The following ZNF804B variants were observed in gnomAD, a reference collection of about 807,000 sequenced individuals.
The protein encoded by ZNF804B is zinc finger 804B.
ZNF804B carries 80 observed loss-of-function variants against 101.4 expected under a neutral mutation model. That is an observed-to-expected ratio of 0.79 (90% CI 0.66 to 0.95). The LOEUF (loss-of-function observed/expected upper bound fraction) is 0.95. Among genes scored for constraint, ZNF804B ranks in the 40% least tolerant of loss-of-function variants. ZNF804B has a pLI of 0.00. For synonymous variants in ZNF804B, 622 were observed against 558.8 expected (o/e 1.11, Z -1.59); for missense variants, 1,673 against 1,561.9 (o/e 1.07, Z -1.20).
At chr7:89,167,120 T>A (rs1385590709) in intron 1 of ZNF804B, among the ~76,000 whole-genome samples, 1 of 152,098 alleles carries the variant, frequency 6.6e-6, no homozygotes, top group East Asian at 1.9e-4. Flanking sequence ...ATGTGGTTTG[T>A]CTGCTAGTTT....
intron 1 of ZNF804B, among the ~76,000 whole-genome samples, chr7:88,964,790 C>A: frequency 6.6e-6 from 1 of 151,544 alleles, no homozygotes; most frequent in East Asian, 2.0e-4. Context: ...TTCTGTACTA[C>A]TGTGGGAGCA....
At chr7:88,989,160 C>G (rs951267499) in intron 1 of ZNF804B, among the ~76,000 whole-genome samples, 6 of 149,006 alleles carry the variant, frequency 4.0e-5, no homozygotes, top group Admixed American at 6.6e-5. Context: ...GTAGCTAGGA[C>G]TTAATTTTTT....
intron 1 of ZNF804B, among the ~76,000 whole-genome samples, chr7:88,892,299 G>T (rs982381551): frequency 3.3e-5 from 5 of 152,020 alleles, no homozygotes; most frequent in Non-Finnish European, 5.9e-5. Flanking sequence ...AAGTTATGTG[G>T]TGCTTTAGGG....
chr7:89,220,743 T>C (rs963503981), intron 2 of ZNF804B, among the ~76,000 whole-genome samples: 38 of 151,936 alleles, frequency 2.5e-4, no homozygotes, highest in African/African-American at 8.2e-4. Context: ...GATTTGTAAA[T>C]TTGAGTTCAT....
At chr7:89,159,604 C>T (rs923111693) in intron 1 of ZNF804B, among the ~76,000 whole-genome samples, 3 of 152,102 alleles carry the variant, frequency 2.0e-5, no homozygotes, top group African/African-American at 7.2e-5. Context: ...AATCTTTAGT[C>T]ATTTTCACTA....
intron 1 of ZNF804B, among the ~76,000 whole-genome samples, chr7:89,098,943 T>C (rs1790011123): frequency 1.3e-5 from 2 of 151,358 alleles, no homozygotes; most frequent in Admixed American, 1.3e-4. Flanking sequence ...GGTTGTGTTG[T>C]TTTAACAAGC....
At chr7:89,221,966 T>C (rs555817575) in intron 2 of ZNF804B, among the ~76,000 whole-genome samples, 61 of 152,050 alleles carry the variant, frequency 4.0e-4, no homozygotes, top group African/African-American at 1.3e-3. Flanking sequence ...GTAGATCTTG[T>C]GATACATTAA....
intron 1 of ZNF804B, among the ~76,000 whole-genome samples, chr7:88,811,137 C>T (rs952975553): frequency 1.3e-5 from 2 of 151,944 alleles, no homozygotes; most frequent in Non-Finnish European, 2.9e-5. Flanking sequence ...GTGAGGTGCT[C>T]TTATGTTAAT....
At chr7:88,875,458 TA>T in intron 1 of ZNF804B, among the ~76,000 whole-genome samples, 1 of 151,696 alleles carries the variant, frequency 6.6e-6, no homozygotes, top group East Asian at 1.9e-4. Flanking sequence ...ATAGACGCAA[TA>T]AAAAATCATA....
chr7:89,319,515 G>A (rs115588129), intron 2 of ZNF804B, among the ~76,000 whole-genome samples: 10 of 152,286 alleles, frequency 6.6e-5, no homozygotes, highest in African/African-American at 2.2e-4. Context: ...GTAGACAAGA[G>A]CACTGAGAAA....
At chr7:89,029,167 G>A (rs1034678472) in intron 1 of ZNF804B, among the ~76,000 whole-genome samples, 4 of 152,042 alleles carry the variant, frequency 2.6e-5, no homozygotes, top group Non-Finnish European at 4.4e-5. Flanking sequence ...GCAATGATGC[G>A]ATCTCTGCTC....
chr7:89,223,997 C>T (rs936319243), intron 2 of ZNF804B, among the ~76,000 whole-genome samples: 4 of 151,874 alleles, frequency 2.6e-5, no homozygotes, highest in Admixed American at 2.6e-4. Context: ...ACAGCTAATT[C>T]CTTGTGAGAC....
rs1256179576 is a variant in ZNF804B, at chr7:89,218,149, T to G, written c.109-6T>G. The G allele has an allele frequency of 3.1e-6, 5 of 1,609,848 alleles. No individual in the cohort carries two copies. The highest frequency in any genetic ancestry group is 4.2e-6 in the Non-Finnish European group (5 of 1,178,712). Reference sequence around the variant, plus strand: ...CTAACCAACATTTATGTATTTTTTCTTAAAGGATTTTGCAGAAAAGAAGTC... The same window carrying G: ...CTAACCAACATTTATGTATTTTTTCGTAAAGGATTTTGCAGAAAAGAAGTC... On this transcript the variant is annotated splice_region_variant and splice_polypyrimidine_tract_variant and intron_variant, in intron 1 of 3. Transcript: ENST00000333190.
chr7:89,218,398 A>G lies in ZNF804B; in HGVS notation c.249+103A>G, dbSNP rs546169718. ...TTACTGCCATATAAGACTGTGAGGTAAGAACATTTTATGTCTTTTTTCCCC... is the reference window on the plus strand; with the variant it reads ...TTACTGCCATATAAGACTGTGAGGTGAGAACATTTTATGTCTTTTTTCCCC... On this transcript the variant is annotated intron_variant, in intron 2 of 3. Coordinates refer to ENST00000333190, the MANE Select transcript of ZNF804B (RefSeq NM_181646.5). The G allele has an allele frequency of 8.9e-6, 12 of 1,353,666 alleles. No individual in the cohort carries two copies. In the East Asian group the frequency reaches 3.0e-4, roughly 33 times the overall value. The allele number at this position is 1,353,666 out of a possible 1,614,324, so 83.9% of individuals were successfully genotyped here. A position where few individuals can be genotyped will look rare whatever the true frequency, so the allele number is the denominator to read the frequency against.
At chr7:89,275,117 T>G (rs1789959385) in intron 2 of ZNF804B, among the ~76,000 whole-genome samples, 1 of 151,976 alleles carries the variant, frequency 6.6e-6, no homozygotes, top group African/African-American at 2.4e-5. Context: ...TTGATCTTTC[T>G]TCTCAAAAAC....
intron 1 of ZNF804B, among the ~76,000 whole-genome samples, chr7:89,212,592 A>G (rs551615976): frequency 6.6e-6 from 1 of 152,224 alleles, no homozygotes; most frequent in South Asian, 2.1e-4. Flanking sequence ...TCAGGTTAAG[A>G]CCCATGAAAA....
At chr7:88,794,862 A>G (rs1441311682) in intron 1 of ZNF804B, 5 of 1,613,070 alleles carry the variant, frequency 3.1e-6, no homozygotes, top group Non-Finnish European at 4.2e-6. Flanking sequence ...GGTAATTGCT[A>G]CGTGGGACTT....
intron 1 of ZNF804B, among the ~76,000 whole-genome samples, chr7:89,052,173 C>T (rs926308200): frequency 6.6e-6 from 1 of 151,736 alleles, no homozygotes; most frequent in Non-Finnish European, 1.5e-5. Context: ...GGTCTCAGTC[C>T]GTCACCAAGG....
At chr7:89,247,667 G>T (rs1159509997) in intron 2 of ZNF804B, among the ~76,000 whole-genome samples, 2 of 152,054 alleles carry the variant, frequency 1.3e-5, no homozygotes, top group East Asian at 3.8e-4. Context: ...AGATGACAAG[G>T]AACCAGTGCA....
Sources: allele counts gnomAD v4.1 joint callset (sites outside exome capture counted in the v4.1 genomes callset), GRCh38; gene constraint gnomAD v4.1.1; transcripts MANE v1.5; gene names NCBI Gene and HGNC (gene_info 2026-07-23, HGNC 2026-07-21).